The following NOX4 variants were observed in gnomAD, a reference collection of about 807,000 sequenced individuals.
NOX4 encodes kidney oxidase-1.
In NOX4, 69 loss-of-function variants were observed where a neutral mutation model predicts 87.6. The ratio of observed to expected loss-of-function variants is 0.79; its 90% CI spans 0.65 to 0.96. The LOEUF is 0.96. Ranked by LOEUF, NOX4 falls within the 40% of genes least tolerant of loss-of-function variation. The pLI is 0.00. For synonymous variants in NOX4, 275 were observed against 238.2 expected, an observed-to-expected ratio of 1.15 and a Z score of -1.42; for missense variants, 680 against 681.5, an observed-to-expected ratio of 1.00 and a Z score of 0.02.
At position 89,474,547 on chromosome 11, in the gene NOX4, C is replaced by A. The variant is rs80216735; in HGVS notation, c.153+15911G>T. ...TGGTGTACATTATGGCATTATGGTG[C>A]ACTATGTAGTCATTAAAGATAAAAT... On this transcript the variant is annotated intron_variant, in intron 2 of 17. Transcript: ENST00000263317. Among the ~76,000 whole-genome samples, 1,225 of 150,106 alleles carry A rather than the reference C, an allele frequency of 8.2e-3. 16 individuals carry two copies. The highest frequency in any genetic ancestry group is 0.029 in the African/African-American group (1,182 of 40,884).
intron 6 of NOX4, among the ~76,000 whole-genome samples, chr11:89,435,967 C>A (rs1169926537): frequency 6.6e-6 from 1 of 152,038 alleles, no homozygotes; most frequent in Non-Finnish European, 1.5e-5. Context: ...GAAGAACTTA[C>A]AATTAGCAAG....
intron 8 of NOX4, among the ~76,000 whole-genome samples, chr11:89,421,078 A>C (rs1190958900): frequency 6.6e-6 from 1 of 152,094 alleles, no homozygotes; most frequent in East Asian, 1.9e-4. Flanking sequence ...AATGCTTCTG[A>C]GCAAATATAG....
intron 2 of NOX4, among the ~76,000 whole-genome samples, chr11:89,474,963 G>A (rs530608555): frequency 6.9e-6 from 1 of 145,510 alleles, no homozygotes; most frequent in Non-Finnish European, 1.6e-5. Context: ...GTTTTTCATT[G>A]CAGTTTATAA....
intron 7 of NOX4, among the ~76,000 whole-genome samples, chr11:89,431,363 T>C (rs912798158): frequency 6.6e-6 from 1 of 152,096 alleles, no homozygotes; most frequent in East Asian, 1.9e-4. Context: ...TGGGATCTAA[T>C]TAAACTAAAG....
intron 2 of NOX4, among the ~76,000 whole-genome samples, chr11:89,453,143 C>T (rs1233794771): frequency 6.6e-6 from 1 of 152,116 alleles, no homozygotes; most frequent in Non-Finnish European, 1.5e-5. Flanking sequence ...CAAAAACAGG[C>T]CTATTTCCAG....
At chr11:89,574,910 G>A in the NOX4 span, among the ~76,000 whole-genome samples, 3 of 152,176 alleles carry the variant, frequency 2.0e-5, no homozygotes, top group African/African-American at 4.8e-5. Flanking sequence ...GAGGCCAGGC[G>A]CGGTGGCTCA....
At chr11:89,400,870 A>G (rs1591125708) in intron 9 of NOX4, among the ~76,000 whole-genome samples, 1 of 151,312 alleles carries the variant, frequency 6.6e-6, no homozygotes, top group Admixed American at 6.6e-5. Flanking sequence ...TATGTTAAAT[A>G]TGTATAGCAC....
At chr11:89,530,346 T>C in the NOX4 span, among the ~76,000 whole-genome samples, 1 of 121,644 alleles carries the variant, frequency 8.2e-6, no homozygotes, top group Non-Finnish European at 1.7e-5. Flanking sequence ...TGTCTATTCT[T>C]TTTTTTTTTT....
chr11:89,360,674 A>G (rs1938451948), intron 12 of NOX4, among the ~76,000 whole-genome samples: 1 of 152,070 alleles, frequency 6.6e-6, no homozygotes, highest in African/African-American at 2.4e-5. Context: ...TGCTTAAAAA[A>G]TATTTGCTTA....
chr11:89,542,509 T>C, the NOX4 span, among the ~76,000 whole-genome samples: 1 of 152,240 alleles, frequency 6.6e-6, no homozygotes, highest in Non-Finnish European at 1.5e-5. Flanking sequence ...ATATGCATTC[T>C]TCTTAGTTGC....
At chr11:89,461,652 A>AAATAAATAAATAAATC (rs2135417352) in intron 2 of NOX4, among the ~76,000 whole-genome samples, 1 of 151,536 alleles carries the variant, frequency 6.6e-6, no homozygotes, top group African/African-American at 2.4e-5. Flanking sequence ...CTCAAAAAAT[A>AAATAAATAAATAAATC]AATAAATAAA....
upstream of NOX4, among the ~76,000 whole-genome samples, chr11:89,501,337 A>C (rs115150103): frequency 3.3e-3 from 502 of 152,128 alleles, 8 homozygotes; most frequent in African/African-American, 0.012. Flanking sequence ...AACGAGCATG[A>C]TATTAGATTG....
At chr11:89,455,617 T>C (rs988485120) in intron 2 of NOX4, among the ~76,000 whole-genome samples, 1 of 152,000 alleles carries the variant, frequency 6.6e-6, no homozygotes, top group Non-Finnish European at 1.5e-5. Flanking sequence ...TCACAAAGCT[T>C]GTATGTCCAC....
At chr11:89,349,617 A>C (rs997070109) in intron 13 of NOX4, among the ~76,000 whole-genome samples, 40 of 152,230 alleles carry the variant, frequency 2.6e-4, no homozygotes, top group African/African-American at 9.4e-4. Context: ...CAGCAAACCA[A>C]GTCAAAAAAG....
chr11:89,365,962 C>A (rs546501168), intron 12 of NOX4, among the ~76,000 whole-genome samples: 1 of 152,008 alleles, frequency 6.6e-6, no homozygotes, highest in Non-Finnish European at 1.5e-5. Flanking sequence ...AAACAACAAG[C>A]AAATACATAA....
chr11:89,530,890 A>T, the NOX4 span, among the ~76,000 whole-genome samples: 1 of 152,198 alleles, frequency 6.6e-6, no homozygotes. Context: ...CGTAGAGAAA[A>T]TAAGAAACGT....
At chr11:89,455,719 CATAT>C (rs60864771) in intron 2 of NOX4, among the ~76,000 whole-genome samples, 71,367 of 140,924 alleles carry the variant, frequency 0.51, 17,941 homozygotes, top group East Asian at 0.65. Flanking sequence ...AAGATGAAGT[CATAT>C]ATATATATAT....
intron 13 of NOX4, among the ~76,000 whole-genome samples, chr11:89,353,096 G>T (rs943606679): frequency 6.6e-6 from 1 of 152,178 alleles, no homozygotes; most frequent in African/African-American, 2.4e-5. Context: ...TGGGATTACA[G>T]GAAGAAAGTA....
intron 7 of NOX4, among the ~76,000 whole-genome samples, chr11:89,423,687 T>C (rs932041599): frequency 6.6e-6 from 1 of 151,942 alleles, no homozygotes; most frequent in African/African-American, 2.4e-5. Context: ...ATCACTTTGC[T>C]AAATTAAAAA....
Sources: gnomAD v4.1 joint callset for allele counts (sites outside exome capture counted in the v4.1 genomes callset) on GRCh38, gnomAD v4.1.1 for gene constraint, MANE v1.5 for transcripts, NCBI Gene and HGNC (gene_info 2026-07-23, HGNC 2026-07-21) for gene names.